Variants in RANBP2 observed in about 807,000 individuals in gnomAD.
RANBP2 encodes the protein E3 SUMO-protein ligase RanBP2.
A neutral mutation model predicts 303.6 loss-of-function variants in RANBP2; 57 were observed. The ratio of observed to expected loss-of-function variants is 0.19; its 90% confidence interval spans 0.15 to 0.23. The LOEUF is 0.23. RANBP2 is among the 10% of genes least tolerant of loss of function. RANBP2 has a pLI of 1.00. For missense variants in RANBP2, 3,138 were observed against 3,780.8 expected, an observed-to-expected ratio of 0.83 and a Z score of 4.46; for synonymous variants, 1,167 against 1,301.5, an observed-to-expected ratio of 0.90 and a Z score of 2.23.
chr2:109,082,737 G>T, the RANBP2 span, among the ~76,000 whole-genome samples: 6 of 152,258 alleles, frequency 3.9e-5, no homozygotes, highest in East Asian at 1.2e-3. Flanking sequence ...ACTCTGTGAG[G>T]TTGGGAGTTG....
the RANBP2 span, among the ~76,000 whole-genome samples, chr2:109,161,443 T>C: frequency 1.3e-5 from 2 of 151,362 alleles, no homozygotes; most frequent in South Asian, 4.2e-4. Context: ...CCTGATGGTC[T>C]GTTCTTCCCC....
the RANBP2 span, among the ~76,000 whole-genome samples, chr2:108,997,440 C>CAAAAAAAAAAAAAAA: frequency 2.0e-5 from 1 of 49,954 alleles, no homozygotes; most frequent in African/African-American, 9.6e-5. Flanking sequence ...GACTCTGTCT[C>CAAAAAAAAAAAAAAA]AAAAAAAAAA....
At chr2:109,587,352 A>G in the RANBP2 span, among the ~76,000 whole-genome samples, 2 of 152,212 alleles carry the variant, frequency 1.3e-5, no homozygotes, top group South Asian at 4.1e-4. Flanking sequence ...AGATAAAACT[A>G]TGACAGTCTT....
the RANBP2 span, among the ~76,000 whole-genome samples, chr2:109,125,048 A>G: frequency 6.6e-6 from 1 of 152,278 alleles, no homozygotes; most frequent in African/African-American, 2.4e-5. Context: ...ATCAACAGCA[A>G]GGCCAGGAAA....
At chr2:109,393,308 C>T in the RANBP2 span, among the ~76,000 whole-genome samples, 11 of 152,184 alleles carry the variant, frequency 7.2e-5, no homozygotes, top group Admixed American at 7.2e-4. Context: ...CATTGGGAAG[C>T]CGAGCTTGCA....
intron 18 of RANBP2, 34 bp downstream of exon 18, chr2:108,758,582 T>C: frequency 6.2e-7 from 1 of 1,610,650 alleles, no homozygotes; most frequent in Non-Finnish European, 8.5e-7. Context: ...CATATTTTAG[T>C]AAAACTACTT....
the RANBP2 span, chr2:109,585,688 G>A: frequency 1.4e-6 from 2 of 1,417,566 alleles, no homozygotes; most frequent in Admixed American, 1.7e-5. Flanking sequence ...GAATATGAAG[G>A]AACAACTTAG....
At chr2:109,064,479 A>AC in the RANBP2 span, among the ~76,000 whole-genome samples, 36 of 141,054 alleles carry the variant, frequency 2.6e-4, no homozygotes, top group South Asian at 9.7e-4. Flanking sequence ...AAACAAAAAC[A>AC]AACTGGTAAA....
the RANBP2 span, among the ~76,000 whole-genome samples, chr2:109,325,643 C>T: frequency 6.6e-6 from 1 of 152,164 alleles, no homozygotes; most frequent in Non-Finnish European, 1.5e-5. Context: ...GCAGCCTGTT[C>T]CATTCTCAGC....
At chr2:109,109,537 T>G in the RANBP2 span, among the ~76,000 whole-genome samples, 1 of 152,130 alleles carries the variant, frequency 6.6e-6, no homozygotes, top group African/African-American at 2.4e-5. Flanking sequence ...CACTAATAGG[T>G]TTTTAATGAC....
the RANBP2 span, among the ~76,000 whole-genome samples, chr2:109,395,918 A>G: frequency 6.6e-6 from 1 of 152,254 alleles, no homozygotes; most frequent in Non-Finnish European, 1.5e-5. Flanking sequence ...AAAGGGTCAC[A>G]GGAGGACTAA....
the RANBP2 span, among the ~76,000 whole-genome samples, chr2:109,069,569 G>T: frequency 6.6e-6 from 1 of 152,230 alleles, no homozygotes. Context: ...AGAGTGAGTG[G>T]CATGGCCTGG....
chr2:109,322,030 A>G, the RANBP2 span, among the ~76,000 whole-genome samples: 3 of 152,198 alleles, frequency 2.0e-5, no homozygotes, highest in Non-Finnish European at 2.9e-5. Flanking sequence ...TCTTTTTAAA[A>G]TAAGTCACCT....
chr2:109,614,589 C>G, the RANBP2 span: 1 of 1,420,430 alleles, frequency 7.0e-7, no homozygotes, highest in Non-Finnish European at 9.2e-7. Flanking sequence ...GCACGCCGAG[C>G]TGGTGCAGCA....
the RANBP2 span, among the ~76,000 whole-genome samples, chr2:108,891,975 T>G: frequency 1.3e-5 from 2 of 152,090 alleles, no homozygotes; most frequent in Admixed American, 6.5e-5. Flanking sequence ...CCCCAGAATA[T>G]GTGCCCTGTC....
At chr2:109,536,044 G>T in the RANBP2 span, among the ~76,000 whole-genome samples, 1 of 130,534 alleles carries the variant, frequency 7.7e-6, no homozygotes, top group Non-Finnish European at 1.6e-5. Context: ...TGCTGCAGTG[G>T]GTGGGGGTGG....
chr2:109,300,892 C>G, the RANBP2 span, among the ~76,000 whole-genome samples: 1 of 152,202 alleles, frequency 6.6e-6, no homozygotes, highest in Non-Finnish European at 1.5e-5. Context: ...CTCTCTGCTG[C>G]TTTGGAGGCA....
At chr2:108,880,987 G>A in the RANBP2 span, among the ~76,000 whole-genome samples, 1 of 152,246 alleles carries the variant, frequency 6.6e-6, no homozygotes, top group East Asian at 1.9e-4. Flanking sequence ...TTTGGAAAGA[G>A]TTGATTCCAA....
At chr2:109,515,079 G>C in the RANBP2 span, among the ~76,000 whole-genome samples, 1 of 152,196 alleles carries the variant, frequency 6.6e-6, no homozygotes, top group Non-Finnish European at 1.5e-5. Flanking sequence ...ATCACTTGTG[G>C]CCTCTGTCTG....
Sources: gnomAD v4.1 joint callset for allele counts (sites outside exome capture counted in the v4.1 genomes callset) on GRCh38, gnomAD v4.1.1 for gene constraint, MANE v1.5 for transcripts, NCBI Gene and HGNC (gene_info 2026-07-23, HGNC 2026-07-21) for gene names.